Variants in CCDC3 observed in about 807,000 individuals in gnomAD.
CCDC3 encodes coiled-coil domain containing 3.
A neutral mutation model predicts 21.4 loss-of-function variants in CCDC3; 24 were observed. That is an observed-to-expected ratio of 1.12 (90% CI 0.81 to 1.58). The LOEUF (loss-of-function observed/expected upper bound fraction) is 1.58. CCDC3 is among the 40% of genes most tolerant of loss of function. CCDC3 has a pLI of 0.00. For synonymous variants in CCDC3, 186 were observed against 166.0 expected (o/e 1.12, Z -0.93); for missense variants, 425 against 360.9 (o/e 1.18, Z -1.44).
At chr10:12,976,274 T>C (rs1388396668) in intron 2 of CCDC3, among the ~76,000 whole-genome samples, 1 of 152,238 alleles carries the variant, frequency 6.6e-6, no homozygotes, top group Non-Finnish European at 1.5e-5. Flanking sequence ...TTTTAGGACC[T>C]GGTGGTTGAG....
At chr10:13,080,475 A>T (rs1477495636) in intron 3 of CCDC3, among the ~76,000 whole-genome samples, 1 of 152,224 alleles carries the variant, frequency 6.6e-6, no homozygotes, top group Non-Finnish European at 1.5e-5. Context: ...TATGTGCAAG[A>T]TATGTAAGGA....
chr10:13,087,294 C>T (rs536253451), intron 3 of CCDC3, among the ~76,000 whole-genome samples: 1 of 152,018 alleles, frequency 6.6e-6, no homozygotes, highest in South Asian at 2.1e-4. Context: ...ATCCCAGCTA[C>T]TCAGGAGGCT....
At chr10:12,955,978 G>A (rs1835077366) in intron 2 of CCDC3, among the ~76,000 whole-genome samples, 1 of 152,110 alleles carries the variant, frequency 6.6e-6, no homozygotes, top group Admixed American at 6.6e-5. Flanking sequence ...AAAGTGCTGG[G>A]ATTACAGATG....
At chr10:13,070,579 A>G (rs1836870216) in intron 4 of CCDC3, among the ~76,000 whole-genome samples, 1 of 152,204 alleles carries the variant, frequency 6.6e-6, no homozygotes. Flanking sequence ...CAACAGACCC[A>G]GGGACCATAT....
intron 2 of CCDC3, among the ~76,000 whole-genome samples, chr10:12,940,947 T>G (rs1165565497): frequency 5.5e-5 from 7 of 127,748 alleles, no homozygotes; most frequent in African/African-American, 2.3e-4. Context: ...TTTGCACTTG[T>G]GATACTCTGT....
chr10:13,044,791 T>C (rs1002556824), intron 5 of CCDC3, among the ~76,000 whole-genome samples: 23 of 152,196 alleles, frequency 1.5e-4, no homozygotes, highest in African/African-American at 5.5e-4. Context: ...TCCATATAAA[T>C]TTTAGAGTAG....
At chr10:13,056,588 T>C (rs1836684037) in intron 4 of CCDC3, among the ~76,000 whole-genome samples, 1 of 152,126 alleles carries the variant, frequency 6.6e-6, no homozygotes, top group African/African-American at 2.4e-5. Context: ...AGCAGGAAGA[T>C]TGAATGCATT....
intron 5 of CCDC3, among the ~76,000 whole-genome samples, chr10:13,025,962 C>A (rs772631914): frequency 1.2e-4 from 18 of 152,170 alleles, no homozygotes; most frequent in Non-Finnish European, 2.2e-4. Flanking sequence ...CGGAGGATCA[C>A]TTGAGGCCAG....
At chr10:12,967,055 A>G (rs1835272654) in intron 2 of CCDC3, among the ~76,000 whole-genome samples, 1 of 152,214 alleles carries the variant, frequency 6.6e-6, no homozygotes, top group Non-Finnish European at 1.5e-5. Flanking sequence ...GAGTTGAACA[A>G]GCTGAGCGAT....
At chr10:12,994,914 C>T (rs1335291341) in intron 2 of CCDC3, among the ~76,000 whole-genome samples, 1 of 151,932 alleles carries the variant, frequency 6.6e-6, no homozygotes, top group Admixed American at 6.6e-5. Flanking sequence ...AACCCCCTCT[C>T]TACTAAAAAT....
At chr10:13,043,894 A>C (rs1836493033) in intron 5 of CCDC3, among the ~76,000 whole-genome samples, 1 of 152,222 alleles carries the variant, frequency 6.6e-6, no homozygotes, top group South Asian at 2.1e-4. Context: ...GTTGGGTTGA[A>C]TAGTAGTTCT....
chr10:12,948,734 T>TTTG (rs1554755968), intron 2 of CCDC3, among the ~76,000 whole-genome samples: 10 of 134,192 alleles, frequency 7.5e-5, no homozygotes, highest in Admixed American at 3.8e-4. Context: ...GGCAGTTTTT[T>TTTG]TTTTTTTTTT....
chr10:13,068,960 T>C (rs558144656), intron 4 of CCDC3, among the ~76,000 whole-genome samples: 1 of 152,312 alleles, frequency 6.6e-6, no homozygotes, highest in Non-Finnish European at 1.5e-5. Flanking sequence ...GAAAGGAGTA[T>C]AAAAATTAAT....
chr10:12,981,497 T>C (rs1034485344), intron 2 of CCDC3, among the ~76,000 whole-genome samples: 2 of 152,076 alleles, frequency 1.3e-5, no homozygotes, highest in African/African-American at 2.4e-5. Context: ...AGGATCCTTT[T>C]GGATCCACCT....
chr10:13,087,863 A>G (rs901243245), intron 3 of CCDC3, among the ~76,000 whole-genome samples: 1 of 152,166 alleles, frequency 6.6e-6, no homozygotes, highest in Admixed American at 6.5e-5. Context: ...TGCACTAGCA[A>G]TTGTGGTCCT....
At chr10:12,931,925 A>G (rs1016842713) in intron 2 of CCDC3, among the ~76,000 whole-genome samples, 16 of 152,212 alleles carry the variant, frequency 1.1e-4, no homozygotes, top group African/African-American at 3.4e-4. Context: ...TACATTTTTT[A>G]TATATAAAAA....
chr10:12,977,985 T>C (rs1304865011), intron 2 of CCDC3, among the ~76,000 whole-genome samples: 1 of 151,908 alleles, frequency 6.6e-6, no homozygotes, highest in Non-Finnish European at 1.5e-5. Flanking sequence ...GGACCACATG[T>C]ATCGCTTGGG....
chr10:12,988,133 A>G (rs757828483), intron 2 of CCDC3, among the ~76,000 whole-genome samples: 1 of 152,028 alleles, frequency 6.6e-6, no homozygotes, highest in Non-Finnish European at 1.5e-5. Flanking sequence ...CACCTCTCCA[A>G]ACCCAGCTTG....
At chr10:12,999,485 G>A (rs913810814) in intron 1 of CCDC3, among the ~76,000 whole-genome samples, 2 of 152,108 alleles carry the variant, frequency 1.3e-5, no homozygotes, top group South Asian at 2.1e-4. Context: ...GCAAGTCTCC[G>A]TTGCCACCCT....
Sources: allele counts gnomAD v4.1 joint callset (sites outside exome capture counted in the v4.1 genomes callset), GRCh38; gene constraint gnomAD v4.1.1; transcripts MANE v1.5; gene names NCBI Gene and HGNC (gene_info 2026-07-23, HGNC 2026-07-21).